Variants in DLG2 observed in about 807,000 individuals in gnomAD.
DLG2 encodes the protein disks large homolog 2.
Under a neutral mutation model 132.5 loss-of-function variants are expected in DLG2, and 45 were observed. The observed-to-expected ratio is 0.34, with a 90% CI of 0.27 to 0.44. The LOEUF (loss-of-function observed/expected upper bound fraction) is 0.44, where lower values mean the gene tolerates loss of function less well. DLG2 is among the 20% of genes least tolerant of loss of function. The probability of loss-of-function intolerance (pLI) is 1.00; values close to 1 mark genes in which losing one functional copy is unlikely to be tolerated. For missense variants in DLG2, 1,045 were observed against 1,196.9 expected (o/e 0.87, Z 1.87); for synonymous variants, 424 against 419.6 (o/e 1.01, Z -0.13).
intron 15 of DLG2, among the ~76,000 whole-genome samples, chr11:83,907,826 T>G (rs2154107361): frequency 6.6e-6 from 1 of 152,226 alleles, no homozygotes; most frequent in Admixed American, 6.5e-5. Context: ...ACAGTTCTAG[T>G]TTATGGTTTT....
chr11:83,955,840 C>T (rs1437327668), intron 14 of DLG2, among the ~76,000 whole-genome samples: 3 of 152,166 alleles, frequency 2.0e-5, no homozygotes, highest in African/African-American at 7.2e-5. Context: ...AAACAATAGA[C>T]TCCAAGTTCT....
intron 3 of DLG2, among the ~76,000 whole-genome samples, chr11:85,429,369 T>C (rs1214077502): frequency 1.3e-5 from 2 of 151,946 alleles, no homozygotes; most frequent in Non-Finnish European, 2.9e-5. Context: ...TGGGATCTAA[T>C]TAAACTAAAG....
intron 18 of DLG2, among the ~76,000 whole-genome samples, chr11:83,696,574 T>C (rs1285679612): frequency 2.0e-5 from 3 of 152,154 alleles, no homozygotes; most frequent in Admixed American, 6.6e-5. Context: ...AGACTTGAAG[T>C]CCATAAGCAT....
chr11:83,784,753 G>A (rs1370634763), intron 18 of DLG2, among the ~76,000 whole-genome samples: 1 of 152,158 alleles, frequency 6.6e-6, no homozygotes, highest in Non-Finnish European at 1.5e-5. Context: ...AAAGCTTGAA[G>A]TCATTCTGTT....
In DLG2 at chr11:83,819,117, G is replaced by T. The variant is rs114029750; in HGVS notation, c.1722+14497C>A. Among the ~76,000 whole-genome samples the T allele has an allele frequency of 7.7e-3, 1,164 of 152,120 alleles. 13 individuals are homozygous for T. Among genetic ancestry groups the T allele is most frequent in the African/African-American group, 0.027 (1,117 of 41,504 alleles). On this transcript the variant is annotated intron_variant, in intron 17 of 27. Coordinates refer to ENST00000376104, the MANE Select transcript of DLG2 (RefSeq NM_001142699.3). ...TCTATATGTGCCTGATGATGATCAC[G>T]AGCCCCATCAACAAAGGGAGTTCCC... is the stretch of plus-strand genomic sequence containing the variant.
chr11:83,837,003 A>G (rs1308788401), intron 16 of DLG2, among the ~76,000 whole-genome samples: 1 of 152,106 alleles, frequency 6.6e-6, no homozygotes, highest in Non-Finnish European at 1.5e-5. Flanking sequence ...GCTTGGATCC[A>G]CTAACACCAA....
chr11:83,761,170 A>C (rs542252376), intron 18 of DLG2, among the ~76,000 whole-genome samples: 1 of 152,172 alleles, frequency 6.6e-6, no homozygotes, highest in African/African-American at 2.4e-5. Context: ...GCAGAATGAC[A>C]GTGAGAATGG....
At chr11:85,554,938 C>T (rs1028057810) in intron 3 of DLG2, among the ~76,000 whole-genome samples, 38 of 151,604 alleles carry the variant, frequency 2.5e-4, no homozygotes, top group Non-Finnish European at 1.0e-4. Flanking sequence ...TCATTTTCCA[C>T]ACACATATGA....
intron 10 of DLG2, among the ~76,000 whole-genome samples, chr11:84,090,072 T>C (rs1350956037): frequency 6.6e-6 from 1 of 152,188 alleles, no homozygotes; most frequent in Non-Finnish European, 1.5e-5. Flanking sequence ...TGTATATCTA[T>C]TTTGCTCTGA....
intron 15 of DLG2, among the ~76,000 whole-genome samples, chr11:83,893,647 T>C (rs1018727959): frequency 1.5e-4 from 23 of 152,246 alleles, no homozygotes; most frequent in Admixed American, 1.1e-3. Context: ...AATTATCTGT[T>C]TATTGGTTCA....
intron 7 of DLG2, among the ~76,000 whole-genome samples, chr11:84,339,963 G>A (rs1181113954): frequency 4.6e-5 from 7 of 152,140 alleles, no homozygotes; most frequent in Non-Finnish European, 8.8e-5. Flanking sequence ...AGCCACACTG[G>A]TTACTTAGAG....
intron 2 of DLG2, among the ~76,000 whole-genome samples, chr11:85,599,755 T>A (rs1446827607): frequency 1.3e-5 from 2 of 152,234 alleles, no homozygotes; most frequent in Non-Finnish European, 2.9e-5. Flanking sequence ...TTCCGTCTTC[T>A]TCTAAACCAC....
intron 6 of DLG2, among the ~76,000 whole-genome samples, chr11:85,003,968 G>A (rs556309737): frequency 6.6e-6 from 1 of 152,130 alleles, no homozygotes; most frequent in Non-Finnish European, 1.5e-5. Context: ...AGAACATGCG[G>A]TATTTGGTTT....
At chr11:85,421,737 TTTTG>T (rs2090330381) in intron 3 of DLG2, among the ~76,000 whole-genome samples, 1 of 152,068 alleles carries the variant, frequency 6.6e-6, no homozygotes, top group African/African-American at 2.4e-5. Context: ...GTTTTTTGTT[TTTTG>T]TTTTTGTTTT....
At chr11:84,723,023 T>C (rs1796384681) in intron 6 of DLG2, among the ~76,000 whole-genome samples, 1 of 152,226 alleles carries the variant, frequency 6.6e-6, no homozygotes, top group South Asian at 2.1e-4. Context: ...TACCATTTTA[T>C]TCCTTTATGT....
chr11:85,414,370 C>T (rs943655766), intron 3 of DLG2, among the ~76,000 whole-genome samples: 1 of 152,000 alleles, frequency 6.6e-6, no homozygotes, highest in Non-Finnish European at 1.5e-5. Context: ...TTCCTCTTTA[C>T]TGATCTGGAT....
intron 4 of DLG2, among the ~76,000 whole-genome samples, chr11:85,207,972 C>T (rs2082012572): frequency 6.6e-6 from 1 of 151,988 alleles, no homozygotes; most frequent in Admixed American, 6.6e-5. Flanking sequence ...AGGCATTCTC[C>T]ACCTCTTCTG....
At chr11:84,090,762 A>G (rs2097078681) in intron 10 of DLG2, among the ~76,000 whole-genome samples, 4 of 152,242 alleles carry the variant, frequency 2.6e-5, no homozygotes, top group Non-Finnish European at 5.9e-5. Context: ...GAAATTCTAT[A>G]GTAGAAATAT....
chr11:85,626,544 C>A (rs2082040007), intron 2 of DLG2, 43 bp downstream of exon 2: 1 of 152,142 alleles, frequency 6.6e-6, no homozygotes, highest in Non-Finnish European at 1.5e-5. Flanking sequence ...ATTTAAATTA[C>A]AAGTACCAGA....
Sources: gnomAD v4.1 joint callset for allele counts (sites outside exome capture counted in the v4.1 genomes callset) on GRCh38, gnomAD v4.1.1 for gene constraint, MANE v1.5 for transcripts, NCBI Gene and HGNC (gene_info 2026-07-23, HGNC 2026-07-21) for gene names.